Variants in SAMMSON observed in about 807,000 individuals in gnomAD.
SAMMSON encodes long intergenic non-protein coding RNA 1212.
chr3:70,395,000 T>G (rs936535925), intron 2 of SAMMSON, among the ~76,000 whole-genome samples: 10 of 152,238 alleles, frequency 6.6e-5, no homozygotes, highest in African/African-American at 2.4e-4. Flanking sequence ...AAAGCTGAGT[T>G]TGGTGCTCTC....
At chr3:70,291,692 C>A (rs942350245) in intron 7 of SAMMSON, 7 of 152,206 alleles carry the variant, frequency 4.6e-5, no homozygotes, top group Admixed American at 2.6e-4. Context: ...TCAGAATCCT[C>A]TTCAACACAA....
chr3:70,231,007 T>G (rs907108363), intron 4 of SAMMSON, among the ~76,000 whole-genome samples: 9 of 152,212 alleles, frequency 5.9e-5, no homozygotes, highest in Non-Finnish European at 1.2e-4. Context: ...CTCCAGGGCC[T>G]AGCAGCCCTG....
intron 4 of SAMMSON, among the ~76,000 whole-genome samples, chr3:70,211,811 T>C (rs1701353093): frequency 6.8e-6 from 1 of 146,042 alleles, no homozygotes; most frequent in South Asian, 2.2e-4. Context: ...TCCTTACCCT[T>C]CCCTTCCCTT....
intron 3 of SAMMSON, among the ~76,000 whole-genome samples, chr3:70,018,421 G>T (rs764260654): frequency 5.0e-4 from 76 of 152,180 alleles, no homozygotes; most frequent in Admixed American, 2.0e-3. Context: ...GGGATCGGTG[G>T]TGATATCCCC....
At chr3:70,247,391 TA>T (rs1049552990) in intron 4 of SAMMSON, among the ~76,000 whole-genome samples, 1 of 151,984 alleles carries the variant, frequency 6.6e-6, no homozygotes, top group African/African-American at 2.4e-5. Flanking sequence ...ATAATTTTTT[TA>T]AAGCCCACCA....
chr3:70,294,034 A>T (rs1702266371), intron 7 of SAMMSON, among the ~76,000 whole-genome samples: 1 of 152,086 alleles, frequency 6.6e-6, no homozygotes, highest in South Asian at 2.1e-4. Flanking sequence ...TTTAATATTT[A>T]TCAATTTTTA....
At chr3:70,119,033 A>T (rs2067422484) in intron 4 of SAMMSON, among the ~76,000 whole-genome samples, 1 of 151,952 alleles carries the variant, frequency 6.6e-6, no homozygotes, top group African/African-American at 2.4e-5. Flanking sequence ...TGTTCATGTC[A>T]TTGGGGTTTT....
chr3:70,051,726 A>G (rs1348413342), intron 3 of SAMMSON, among the ~76,000 whole-genome samples: 1 of 132,012 alleles, frequency 7.6e-6, no homozygotes, highest in Non-Finnish European at 1.6e-5. Flanking sequence ...TTCCATTTCT[A>G]TTAACTTAAT....
chr3:70,194,027 T>C (rs946511036), intron 4 of SAMMSON, among the ~76,000 whole-genome samples: 2 of 152,214 alleles, frequency 1.3e-5, no homozygotes, highest in Admixed American at 1.3e-4. Context: ...TCAGCTTATG[T>C]AGTGGGAAAA....
chr3:70,295,532 G>T (rs1367490784), intron 7 of SAMMSON, among the ~76,000 whole-genome samples: 1 of 151,858 alleles, frequency 6.6e-6, no homozygotes, highest in African/African-American at 2.4e-5. Context: ...GTGAGATCCC[G>T]TCTCTACAAA....
chr3:70,106,168 A>G (rs2067366690), intron 4 of SAMMSON, among the ~76,000 whole-genome samples: 1 of 152,142 alleles, frequency 6.6e-6, no homozygotes, highest in South Asian at 2.1e-4. Flanking sequence ...ATATCCACTG[A>G]ATAAAATATA....
At chr3:70,106,736 G>T (rs907289471) in intron 4 of SAMMSON, among the ~76,000 whole-genome samples, 1 of 152,102 alleles carries the variant, frequency 6.6e-6, no homozygotes, top group Non-Finnish European at 1.5e-5. Flanking sequence ...TTTAAACTAA[G>T]GGGCGACTCT....
At chr3:70,285,737 A>G in intron 6 of SAMMSON, among the ~76,000 whole-genome samples, 1 of 151,474 alleles carries the variant, frequency 6.6e-6, no homozygotes, top group Non-Finnish European at 1.5e-5. Flanking sequence ...CTGACTTTTT[A>G]ATGATTGCCA....
At chr3:70,161,816 A>G (rs985844348) in intron 4 of SAMMSON, among the ~76,000 whole-genome samples, 6 of 151,776 alleles carry the variant, frequency 4.0e-5, no homozygotes, top group Non-Finnish European at 8.8e-5. Flanking sequence ...CTTTCTGGCA[A>G]TTAAATTATT....
intron 4 of SAMMSON, among the ~76,000 whole-genome samples, chr3:70,118,244 C>G (rs894118463): frequency 2.0e-5 from 3 of 152,114 alleles, no homozygotes; most frequent in African/African-American, 7.2e-5. Flanking sequence ...TCTTAATATG[C>G]ACGGACAAAT....
At position 70,192,327 on chromosome 3, in the gene SAMMSON, C is replaced by T. The variant is rs375068179; in HGVS notation, n.508-56780C>T. ...AGGCCTAAGTAGTTCTGCTTCCCACCCTTTGAATCAAGATAACCCTTTGGC... is the reference window on the plus strand; with the variant it reads ...AGGCCTAAGTAGTTCTGCTTCCCACTCTTTGAATCAAGATAACCCTTTGGC... On this transcript the variant is annotated intron_variant and non_coding_transcript_variant, in intron 4 of 9. Transcript: ENST00000642114. Among the ~76,000 whole-genome samples the T allele has an allele frequency of 2.4e-4, 36 of 152,276 alleles. No homozygotes were observed. In the South Asian group the frequency reaches 6.9e-3, roughly 29 times the overall value.
chr3:70,375,243 A>C (rs997507492), intron 9 of SAMMSON, among the ~76,000 whole-genome samples: 1 of 152,056 alleles, frequency 6.6e-6, no homozygotes, highest in Non-Finnish European at 1.5e-5. Context: ...TATTGCATTT[A>C]TGCTTTGTAT....
chr3:70,237,320 G>T (rs1207770643), intron 4 of SAMMSON, among the ~76,000 whole-genome samples: 2 of 152,126 alleles, frequency 1.3e-5, no homozygotes, highest in African/African-American at 4.8e-5. Context: ...ATTAATGAAT[G>T]CTTAAACACT....
intron 4 of SAMMSON, among the ~76,000 whole-genome samples, chr3:70,107,144 A>G (rs1427781736): frequency 6.6e-6 from 1 of 152,214 alleles, no homozygotes; most frequent in Non-Finnish European, 1.5e-5. Flanking sequence ...AATGGAGACT[A>G]AAGTGATAAA....
Sources: gnomAD v4.1 joint callset for allele counts (sites outside exome capture counted in the v4.1 genomes callset) on GRCh38, gnomAD v4.1.1 for gene constraint, MANE v1.5 for transcripts, NCBI Gene and HGNC (gene_info 2026-07-23, HGNC 2026-07-21) for gene names.